Variants in ZNF438 observed in about 807,000 individuals in gnomAD.
The protein encoded by ZNF438 is zinc finger protein 438.
ZNF438 carries 25 observed loss-of-function variants against 38.0 expected under a neutral mutation model. The ratio of observed to expected loss-of-function variants is 0.66; its 90% CI spans 0.48 to 0.92. ZNF438 has a LOEUF of 0.92. Ranked by LOEUF, ZNF438 falls within the 40% of genes least tolerant of loss-of-function variation. The pLI is 0.00. For synonymous variants in ZNF438, 372 were observed against 364.1 expected (o/e 1.02, Z -0.25); for missense variants, 1,007 against 999.6 (o/e 1.01, Z -0.10).
At chr10:30,982,439 C>T (rs868466472) in intron 1 of ZNF438, among the ~76,000 whole-genome samples, 1 of 152,078 alleles carries the variant, frequency 6.6e-6, no homozygotes, top group Non-Finnish European at 1.5e-5. Flanking sequence ...AAGGTTAGCA[C>T]AATCATGTTA....
chr10:30,974,125 A>G (rs1490975233), intron 1 of ZNF438, among the ~76,000 whole-genome samples: 1 of 152,236 alleles, frequency 6.6e-6, no homozygotes, highest in Non-Finnish European at 1.5e-5. Flanking sequence ...GGAAAAGGTG[A>G]TAACCTTCTG....
Position 30,943,462 on chromosome 10 carries a change from T to G in ZNF438, c.-191-1811A>C, listed in dbSNP as rs16932076. ...TTTAAGAGTTTTAAGAGAAAAAAAT[T>G]GCCAGAGAAGAAGAAAACAGAAAAG... On this transcript the variant is annotated intron_variant, in intron 1 of 5. Coordinates refer to ENST00000413025, the Ensembl canonical transcript of ZNF438. 4.4e-3 allele frequency among the ~76,000 whole-genome samples: 663 copies of G among 152,182 alleles called. 6 individuals carry two copies. Among genetic ancestry groups the G allele is most frequent in the African/African-American group, 0.015 (627 of 41,532 alleles).
At chr10:30,984,207 G>A (rs1330387093) in intron 1 of ZNF438, among the ~76,000 whole-genome samples, 162 bp downstream of exon 2, 46 of 152,096 alleles carry the variant, frequency 3.0e-4, no homozygotes, top group Non-Finnish European at 1.5e-5. Flanking sequence ...AATGTTACAT[G>A]AAGATTCATG....
intron 1 of ZNF438, among the ~76,000 whole-genome samples, chr10:30,964,879 C>G (rs1054533027): frequency 1.3e-5 from 2 of 152,152 alleles, no homozygotes; most frequent in Non-Finnish European, 2.9e-5. Context: ...AAATACCATT[C>G]TGGACACTGG....
At chr10:30,998,260 G>C (rs1224474382) in intron 1 of ZNF438, among the ~76,000 whole-genome samples, 2 of 151,980 alleles carry the variant, frequency 1.3e-5, no homozygotes, top group East Asian at 3.9e-4. Flanking sequence ...TCAAGTATTG[G>C]CTGGGCGCAG....
At chr10:30,976,324 T>C (rs969132716) in intron 1 of ZNF438, among the ~76,000 whole-genome samples, 14 of 152,234 alleles carry the variant, frequency 9.2e-5, no homozygotes, top group Non-Finnish European at 1.2e-4. Flanking sequence ...GTTCTACTTT[T>C]AGGAAACATA....
chr10:30,994,469 T>C (rs923278579), intron 1 of ZNF438, among the ~76,000 whole-genome samples: 2 of 152,198 alleles, frequency 1.3e-5, no homozygotes, highest in Non-Finnish European at 2.9e-5. Flanking sequence ...AGAGTGCATC[T>C]GTTTATAAAA....
At chr10:30,952,744 A>T (rs1444659389) in intron 1 of ZNF438, among the ~76,000 whole-genome samples, 1 of 129,148 alleles carries the variant, frequency 7.7e-6, no homozygotes, top group Non-Finnish European at 1.6e-5. Context: ...TTAAAAAGTC[A>T]GGAAACAACA....
At chr10:30,974,629 A>G (rs1248297154) in intron 1 of ZNF438, among the ~76,000 whole-genome samples, 2 of 152,200 alleles carry the variant, frequency 1.3e-5, no homozygotes, top group Non-Finnish European at 2.9e-5. Context: ...TGTGAGCCAT[A>G]TATGATTCCT....
chr10:30,942,422 C>T (rs1170613348), intron 1 of ZNF438, among the ~76,000 whole-genome samples: 18 of 152,116 alleles, frequency 1.2e-4, no homozygotes, highest in Admixed American at 9.2e-4. Flanking sequence ...TTTGTTACTA[C>T]GGTAGTCAAG....
chr10:31,027,029 G>A (rs960128443), intron 1 of ZNF438, among the ~76,000 whole-genome samples: 1 of 149,036 alleles, frequency 6.7e-6, no homozygotes, highest in Non-Finnish European at 1.5e-5. Flanking sequence ...ACTCACAGGT[G>A]GGAATTGAAC....
At chr10:30,860,006 T>C (rs529803858) in intron 4 of ZNF438, among the ~76,000 whole-genome samples, 19 of 151,630 alleles carry the variant, frequency 1.3e-4, no homozygotes, top group African/African-American at 4.1e-4. Context: ...CCCTTCATTT[T>C]CCCCCCGAGA....
chr10:30,932,992 G>A (rs889613137), intron 2 of ZNF438, among the ~76,000 whole-genome samples: 1 of 152,176 alleles, frequency 6.6e-6, no homozygotes, highest in Non-Finnish European at 1.5e-5. Context: ...GAGGGAACAT[G>A]GTCCTGCCAG....
intron 4 of ZNF438, among the ~76,000 whole-genome samples, chr10:30,864,014 T>A (rs567024653): frequency 6.6e-6 from 1 of 152,298 alleles, no homozygotes; most frequent in African/African-American, 2.4e-5. Flanking sequence ...TCTGAGGCAC[T>A]CTCCCTCTGT....
At chr10:31,021,167 T>C (rs562017390) in intron 1 of ZNF438, among the ~76,000 whole-genome samples, 43 of 151,876 alleles carry the variant, frequency 2.8e-4, no homozygotes, top group African/African-American at 9.4e-4. Flanking sequence ...TATGAACTTA[T>C]TACATACATA....
At chr10:30,961,459 C>T (rs1198523922) in intron 1 of ZNF438, among the ~76,000 whole-genome samples, 1 of 145,592 alleles carries the variant, frequency 6.9e-6, no homozygotes, top group Non-Finnish European at 1.6e-5. Context: ...CTGTGCCTGG[C>T]CTGAAACAAA....
At chr10:30,872,024 A>T (rs1456433657) in intron 4 of ZNF438, among the ~76,000 whole-genome samples, 4 of 152,218 alleles carry the variant, frequency 2.6e-5, no homozygotes, top group African/African-American at 9.6e-5. Context: ...GAAGAACTGT[A>T]TAAGAAAACT....
intron 3 of ZNF438, among the ~76,000 whole-genome samples, chr10:30,889,006 T>C (rs1300710424): frequency 6.6e-6 from 1 of 152,180 alleles, no homozygotes; most frequent in Non-Finnish European, 1.5e-5. Flanking sequence ...GTATAAGCCA[T>C]TTCCTTTTCT....
intron 4 of ZNF438, among the ~76,000 whole-genome samples, chr10:30,865,156 A>G (rs1588868388): frequency 6.6e-6 from 1 of 152,222 alleles, no homozygotes; most frequent in East Asian, 1.9e-4. Flanking sequence ...TGTTGAGAAA[A>G]GAAAGATCTT....
Sources: allele counts gnomAD v4.1 joint callset (sites outside exome capture counted in the v4.1 genomes callset), GRCh38; gene constraint gnomAD v4.1.1; transcripts MANE v1.5; gene names NCBI Gene and HGNC (gene_info 2026-07-23, HGNC 2026-07-21).